Variants in SPRR2G observed in about 807,000 individuals in gnomAD.
SPRR2G encodes the protein small proline-rich protein 2G.
A neutral mutation model predicts 0.7 loss-of-function variants in SPRR2G; 1 was observed. The ratio of observed to expected loss-of-function variants is 1.49; its 90% CI spans 0.53 to 7.06. The LOEUF is 7.06. SPRR2G is among the 30% of genes most tolerant of loss of function. SPRR2G has a pLI of 0.14. For missense variants in SPRR2G, 96 were observed against 88.5 expected (o/e 1.09, Z -0.34); for synonymous variants, 38 against 33.9 (o/e 1.12, Z -0.42).
the SPRR2G span, among the ~76,000 whole-genome samples, chr1:153,199,277 G>A: frequency 6.6e-6 from 1 of 152,160 alleles, no homozygotes; most frequent in African/African-American, 2.4e-5. Context: ...TGAAGATGAG[G>A]AATACCAGCC....
the SPRR2G span, among the ~76,000 whole-genome samples, chr1:153,169,348 G>A: frequency 6.6e-6 from 1 of 152,104 alleles, no homozygotes; most frequent in Non-Finnish European, 1.5e-5. Context: ...GGTGGATCAC[G>A]AGGTCAGGAG....
the SPRR2G span, among the ~76,000 whole-genome samples, chr1:153,201,217 A>G: frequency 6.6e-6 from 1 of 152,204 alleles, no homozygotes; most frequent in Non-Finnish European, 1.5e-5. Flanking sequence ...AGGTAAGGCT[A>G]GTAGCTGGGA....
the SPRR2G span, among the ~76,000 whole-genome samples, chr1:153,155,895 CCTA>C: frequency 9.8e-5 from 15 of 152,288 alleles, no homozygotes; most frequent in Admixed American, 7.8e-4. Context: ...GGCAGGTGAC[CCTA>C]CCTAAGAGTC....
In SPRR2G at chr1:153,150,002, G is replaced by A. The variant is rs1301204951; in HGVS notation, c.109C>T (p.Leu37=). The A allele has an allele frequency of 5.0e-6, 8 of 1,614,006 alleles. No individual in the cohort carries two copies. The highest frequency in any genetic ancestry group is 1.1e-5 in the South Asian group (1 of 91,076). ...CPPPKCPEPY[L]PPPCPPEHCP... ...TGCTCAGGTGGACAAGGAGGAGGCA[G>A]GTAAGGCTCAGGGCACTTCGGGGGT... The change falls in exon 2 of 2, where the codon CTG becomes TTG. Residue 37 remains leucine, a synonymous_variant. Transcript: ENST00000368748.
At chr1:153,187,382 G>T in the SPRR2G span, among the ~76,000 whole-genome samples, 3 of 152,042 alleles carry the variant, frequency 2.0e-5, no homozygotes, top group Non-Finnish European at 4.4e-5. Context: ...ATATTTCTTG[G>T]AGGCTTTGTT....
chr1:153,149,593 A>C lies in SPRR2G; in HGVS notation c.*296T>G. ...AAACAAAAGCAATGTGGGCTTGACCATGAAACATGTGCTTTATTGGGGAGA... is the reference window on the plus strand; with the variant it reads ...AAACAAAAGCAATGTGGGCTTGACCCTGAAACATGTGCTTTATTGGGGAGA... On this transcript the variant is annotated 3_prime_UTR_variant, in exon 2 of 2. Transcript: ENST00000368748. The C allele has an allele frequency of 2.1e-6, 1 of 476,316 alleles. No homozygotes were observed. Among genetic ancestry groups the C allele is most frequent in the South Asian group, 2.3e-5 (1 of 44,042 alleles). The allele number at this position is 476,316 out of a possible 1,614,324, so 29.5% of individuals were successfully genotyped here.
the SPRR2G span, among the ~76,000 whole-genome samples, chr1:153,167,594 T>A: frequency 2.0e-5 from 3 of 152,242 alleles, no homozygotes; most frequent in African/African-American, 7.2e-5. Context: ...TTGTTTTACA[T>A]CTGTTTAATG....
the SPRR2G span, among the ~76,000 whole-genome samples, chr1:153,168,904 A>ATGTGTGTGTGTGTGTGCGTGTG: frequency 6.8e-6 from 1 of 148,062 alleles, no homozygotes; most frequent in African/African-American, 2.5e-5. Context: ...TCATGAGTGT[A>ATGTGTGTGTGTGTGTGCGTGTG]TGTGTGTGTG....
the SPRR2G span, among the ~76,000 whole-genome samples, chr1:153,196,413 T>C: frequency 6.6e-6 from 1 of 152,252 alleles, no homozygotes; most frequent in Admixed American, 6.5e-5. Flanking sequence ...TAAGGCTGGA[T>C]AGTATTCTAT....
At position 153,149,817 on chromosome 1, in the gene SPRR2G, A is replaced by T. The variant is rs1023065535; in HGVS notation, c.*72T>A. 38 of 1,569,450 alleles carry T rather than the reference A, an allele frequency of 2.4e-5. No individual in the cohort carries two copies. The highest frequency in any genetic ancestry group is 3.2e-5 in the Non-Finnish European group (37 of 1,142,302). On this transcript the variant is annotated 3_prime_UTR_variant, in exon 2 of 2. Coordinates refer to ENST00000368748, the MANE Select transcript of SPRR2G (RefSeq NM_001014291.4). ...GCCTCCCACTACAGCTGAAGGGAAG[A>T]TGATGGAGTCCTGGGAGTAAGAAGA...
chr1:153,197,132 A>ATGTGTGTGTGTGTGTGTGTGTG, the SPRR2G span, among the ~76,000 whole-genome samples: 3 of 140,400 alleles, frequency 2.1e-5, no homozygotes, highest in African/African-American at 8.1e-5. Flanking sequence ...CAGGCAGAGA[A>ATGTGTGTGTGTGTGTGTGTGTG]TGTGTGTGTG....
the SPRR2G span, among the ~76,000 whole-genome samples, chr1:153,168,590 A>G: frequency 6.6e-6 from 1 of 152,182 alleles, no homozygotes; most frequent in Non-Finnish European, 1.5e-5. Flanking sequence ...GCTATTTTAT[A>G]TTATCCGAAA....
the SPRR2G span, among the ~76,000 whole-genome samples, chr1:153,182,850 G>A: frequency 6.6e-6 from 1 of 152,058 alleles, no homozygotes; most frequent in Non-Finnish European, 1.5e-5. Flanking sequence ...ATAAACATGT[G>A]TGCACATGTC....
chr1:153,185,105 G>A, the SPRR2G span, among the ~76,000 whole-genome samples: 4 of 152,278 alleles, frequency 2.6e-5, no homozygotes, highest in Admixed American at 2.6e-4. Flanking sequence ...GATTCAGTTT[G>A]CCAGTATTTT....
chr1:153,195,778 T>C, the SPRR2G span, among the ~76,000 whole-genome samples: 1 of 152,152 alleles, frequency 6.6e-6, no homozygotes, highest in Non-Finnish European at 1.5e-5. Context: ...GACTCTTCCT[T>C]TCCTCTAGAG....
At chr1:153,195,126 G>A in the SPRR2G span, among the ~76,000 whole-genome samples, 1 of 152,078 alleles carries the variant, frequency 6.6e-6, no homozygotes, top group Non-Finnish European at 1.5e-5. Context: ...TGGCAGAAGT[G>A]GACTTCCTCT....
At chr1:153,154,667 A>T (rs1029104101), upstream of SPRR2G, among the ~76,000 whole-genome samples, 3 of 152,024 alleles carry the variant, frequency 2.0e-5, no homozygotes, top group African/African-American at 7.2e-5. Flanking sequence ...GTCTCTTAGG[A>T]TCTTTTTTAT....
the SPRR2G span, among the ~76,000 whole-genome samples, chr1:153,192,927 A>T: frequency 6.6e-6 from 1 of 152,160 alleles, no homozygotes; most frequent in Non-Finnish European, 1.5e-5. Context: ...GTGGTATCAA[A>T]AGATCAGAGC....
the SPRR2G span, among the ~76,000 whole-genome samples, chr1:153,180,575 A>G: frequency 1.3e-5 from 2 of 152,190 alleles, no homozygotes; most frequent in Non-Finnish European, 2.9e-5. Context: ...TAATGTGAAT[A>G]TTTACGTATT....
Sources: gnomAD v4.1 joint callset for allele counts (sites outside exome capture counted in the v4.1 genomes callset) on GRCh38, gnomAD v4.1.1 for gene constraint, MANE v1.5 for transcripts, NCBI Gene and HGNC (gene_info 2026-07-23, HGNC 2026-07-21) for gene names.